LRIG1: variants seen among roughly 807,000 people sequenced by gnomAD.
The protein encoded by LRIG1 is leucine-rich repeats and immunoglobulin-like domains protein 1.
In LRIG1, 48 loss-of-function variants were observed where a neutral mutation model predicts 99.2. The observed-to-expected ratio is 0.48, with a 90% CI of 0.38 to 0.62. The LOEUF (loss-of-function observed/expected upper bound fraction) is 0.62, where lower values mean the gene tolerates loss of function less well. LRIG1 is among the 20% of genes least tolerant of loss of function. The probability of loss-of-function intolerance (pLI) is 0.00; values close to 1 mark genes in which losing one functional copy is unlikely to be tolerated. For missense variants in LRIG1, 1,646 were observed against 1,434.4 expected (o/e 1.15, Z -2.38); for synonymous variants, 772 against 596.1 (o/e 1.29, Z -4.30).
rs1043834792 is a variant in LRIG1, at chr3:66,380,644, G to A, written c.2988C>T (p.Tyr996=). Residue 996 remains tyrosine, a synonymous_variant, in exon 18 of 19, where the codon TAC becomes TAT. Transcript: ENST00000273261. ...GSCPECQGSL[Y]PSNHDRMLTA... is the part of the protein sequence containing the mutation. ...TCAGCATTCTATCGTGGTTACTGGGGTAGAGCGACCCTTGGCACTCGGGGC... is the reference window on the plus strand; with the variant it reads ...TCAGCATTCTATCGTGGTTACTGGGATAGAGCGACCCTTGGCACTCGGGGC... 2 of 1,614,200 alleles carry A rather than the reference G, an allele frequency of 1.2e-6. No individual in the cohort carries two copies. The highest frequency in any genetic ancestry group is 1.7e-6 in the Non-Finnish European group (2 of 1,180,042).
chr3:66,401,501 A>G, intron 9 of LRIG1: 1 of 664,330 alleles, frequency 1.5e-6, no homozygotes, highest in Non-Finnish European at 2.3e-6. Context: ...TTTTACAATG[A>G]GGGCAGGCTG....
chr3:66,491,817 G>C (rs1303490192), intron 1 of LRIG1, among the ~76,000 whole-genome samples: 1 of 152,132 alleles, frequency 6.6e-6, no homozygotes, highest in Non-Finnish European at 1.5e-5. Flanking sequence ...TTGAAGATGG[G>C]TGACAGATAC....
chr3:66,383,152 G>C lies in LRIG1; in HGVS notation c.2321C>G (p.Ala774Gly). 6.2e-7 allele frequency: 1 copy of C among 1,614,236 alleles called. No homozygotes were observed. Among genetic ancestry groups the C allele is most frequent in the Non-Finnish European group, 8.5e-7 (1 of 1,180,054 alleles). ...GGGCAGGACGCTCAGCTGGCTGTGA[G>C]CTCGCTCCGTGCCCAGGGTGTTGGA... ...EMSNTLGTER[A>G]HSQLSVLPAA... is the part of the protein sequence containing the mutation. The change falls in exon 15 of 19, where the codon GCT becomes GGT. Residue 774 changes from alanine (A) to glycine (G), a missense_variant. By Grantham distance (60) the Ala-to-Gly change is moderately conservative (BLOSUM62 0). Coordinates refer to ENST00000273261, the MANE Select transcript of LRIG1 (RefSeq NM_015541.3).
intron 5 of LRIG1, among the ~76,000 whole-genome samples, chr3:66,414,406 T>TAATA (rs572200124): frequency 5.3e-5 from 8 of 150,916 alleles, no homozygotes; most frequent in Admixed American, 4.0e-4. Context: ...AAAAAAATAA[T>TAATA]AATAAATAAA....
At chr3:66,479,349 T>C (rs1419358900) in intron 1 of LRIG1, among the ~76,000 whole-genome samples, 1 of 152,210 alleles carries the variant, frequency 6.6e-6, no homozygotes, top group East Asian at 1.9e-4. Flanking sequence ...CTAGAGCGTC[T>C]GTAGTCTGGA....
At chr3:66,394,869 C>T (rs543812015) in intron 11 of LRIG1, among the ~76,000 whole-genome samples, 7 of 152,204 alleles carry the variant, frequency 4.6e-5, no homozygotes, top group Non-Finnish European at 7.3e-5. Flanking sequence ...CGGCAGAATT[C>T]GGCTCTGCTC....
At chr3:66,416,870 G>T (rs757108170) in intron 4 of LRIG1, among the ~76,000 whole-genome samples, 8 of 152,230 alleles carry the variant, frequency 5.3e-5, no homozygotes, top group African/African-American at 9.6e-5. Context: ...TCTCGTCTTG[G>T]AGTGCTGAGT....
rs192912383 is a variant in LRIG1, at chr3:66,457,247, G to A, written c.290+5191C>T. On this transcript the variant is annotated intron_variant, in intron 2 of 18. Coordinates refer to ENST00000273261, the MANE Select transcript of LRIG1 (RefSeq NM_015541.3). ...TTTGAAGCAGTAGCATGTCAGCTAC[G>A]ATTTTTTTTCTTTTCTTCAATATCC... Among the ~76,000 whole-genome samples, 478 of 152,294 alleles carry A rather than the reference G, an allele frequency of 3.1e-3. 1 individual carries two copies. The highest frequency in any genetic ancestry group is 6.6e-3 in the South Asian group (32 of 4,830).
At chr3:66,391,061 T>A (rs909728239) in intron 12 of LRIG1, among the ~76,000 whole-genome samples, 1 of 152,132 alleles carries the variant, frequency 6.6e-6, no homozygotes, top group Non-Finnish European at 1.5e-5. Context: ...GGTGAAAACA[T>A]GCCTAACATC....
chr3:66,381,388 A>G, intron 17 of LRIG1, 91 bp downstream of exon 17: 1 of 1,304,798 alleles, frequency 7.7e-7, no homozygotes, highest in East Asian at 2.3e-5. Context: ...GCTGTGGACT[A>G]GGAATGTGTC....
At chr3:66,494,889 T>C (rs1489389127) in intron 1 of LRIG1, among the ~76,000 whole-genome samples, 1 of 152,254 alleles carries the variant, frequency 6.6e-6, no homozygotes, top group Non-Finnish European at 1.5e-5. Flanking sequence ...GTCCTAGTCA[T>C]AATTGGACAA....
At chr3:66,469,596 T>C (rs1700551736) in intron 1 of LRIG1, among the ~76,000 whole-genome samples, 2 of 152,314 alleles carry the variant, frequency 1.3e-5, no homozygotes, top group East Asian at 3.9e-4. Flanking sequence ...TTCACACATG[T>C]CATCCTGGTC....
At position 66,379,479 on chromosome 3, in the gene LRIG1, C is replaced by T. The variant is rs2107906043; in HGVS notation, c.*784G>A. 1 of 152,222 alleles carries T rather than the reference C, an allele frequency of 6.6e-6. No individual in the cohort carries two copies. The highest frequency in any genetic ancestry group is 3.4e-3 in the Middle Eastern group (1 of 296). 9.4% of individuals were successfully genotyped at this position (152,222 alleles called of 1,614,324 possible). ...AGCAATCGAATGATACTGAGAAGGC[C>T]ACATTTGCTTTTATCATAAAATAAG... On this transcript the variant is annotated 3_prime_UTR_variant, in exon 19 of 19. Transcript: ENST00000273261.
rs1700931295 is a variant in LRIG1, at chr3:66,379,928, C to A, written c.*335G>T. 4 of 173,448 alleles carry A rather than the reference C, an allele frequency of 2.3e-5. No individual in the cohort carries two copies. Among genetic ancestry groups the A allele is most frequent in the East Asian group, 1.6e-4 (1 of 6,436 alleles). 10.7% of individuals were successfully genotyped at this position (173,448 alleles called of 1,614,324 possible). A position where few individuals can be genotyped will look rare whatever the true frequency, so the allele number is the denominator to read the frequency against. On this transcript the variant is annotated 3_prime_UTR_variant, in exon 19 of 19. Transcript: ENST00000273261. Reference sequence around the variant, plus strand: ...TTTCCCCACCCCCTCCAAAATTAAACAGCAACCTGATACGAAAAATAATAT... The same window carrying A: ...TTTCCCCACCCCCTCCAAAATTAAAAAGCAACCTGATACGAAAAATAATAT...
chr3:66,417,062 G>A, intron 4 of LRIG1, 67 bp downstream of exon 4: 1 of 1,583,616 alleles, frequency 6.3e-7, no homozygotes, highest in East Asian at 2.3e-5. Flanking sequence ...AGAACTGGGT[G>A]CCGGTGAAGC....
chr3:66,481,049 G>C (rs1424867092), intron 1 of LRIG1, among the ~76,000 whole-genome samples: 1 of 152,124 alleles, frequency 6.6e-6, no homozygotes, highest in Non-Finnish European at 1.5e-5. Flanking sequence ...ATTTGTTGAA[G>C]TTGATTGAAA....
Position 66,384,157 on chromosome 3 carries a change from A to G in LRIG1, c.1905T>C (p.Asp635=), listed in dbSNP as rs753789700. 4.3e-6 allele frequency: 7 copies of G among 1,614,066 alleles called. No homozygotes were observed. In the South Asian group the frequency reaches 7.7e-5, roughly 18 times the overall value. The change falls in exon 14 of 19, where the codon GAT becomes GAC. Residue 635 remains aspartate, a synonymous_variant. Coordinates refer to ENST00000273261, the MANE Select transcript of LRIG1 (RefSeq NM_015541.3). ...GGGCAGCGGGGAAATCCGTGCCTCC[A>G]TCCTTCTGCCAGGCAATCTGAGGGT... ...HPNPQIAWQK[D]GGTDFPAARE...
chr3:66,391,953 C>T (rs1701636127), intron 12 of LRIG1, among the ~76,000 whole-genome samples: 1 of 152,044 alleles, frequency 6.6e-6, no homozygotes, highest in Admixed American at 6.6e-5. Context: ...TAGCTATTAC[C>T]CCTCTCTTTC....
chr3:66,448,206 T>C (rs1253280569), intron 3 of LRIG1, among the ~76,000 whole-genome samples: 1 of 152,188 alleles, frequency 6.6e-6, no homozygotes, highest in Non-Finnish European at 1.5e-5. Context: ...ACTATGGAAG[T>C]CTCTTTTGAA....
Sources: allele counts gnomAD v4.1 joint callset (sites outside exome capture counted in the v4.1 genomes callset), GRCh38; gene constraint gnomAD v4.1.1; transcripts MANE v1.5; gene names NCBI Gene and HGNC (gene_info 2026-07-23, HGNC 2026-07-21).